BRD7: variants seen among roughly 807,000 people sequenced by gnomAD.
BRD7 encodes bromodomain containing 7.
In BRD7, 15 loss-of-function variants were observed where a neutral mutation model predicts 82.1. The observed-to-expected ratio is 0.18, with a 90% CI of 0.12 to 0.28. BRD7 has a LOEUF of 0.28. Ranked by LOEUF, BRD7 falls within the 10% of genes least tolerant of loss-of-function variation. BRD7 has a pLI of 1.00. For missense variants in BRD7, 638 were observed against 779.9 expected, an observed-to-expected ratio of 0.82 and a Z score of 2.17; for synonymous variants, 232 against 266.9, an observed-to-expected ratio of 0.87 and a Z score of 1.27.
Position 50,368,747 on chromosome 16 carries a change from A to T in BRD7, c.28T>A (p.Ser10Thr). Residue 10 changes from serine to threonine, a missense_variant, in exon 1 of 17, where the codon TCG becomes ACG. By Grantham distance (58) the Ser-to-Thr change is moderately conservative. Transcript: ENST00000394688. MGKKHKKHKSDKHLYEEYVE... is the reference protein window; with the variant it reads MGKKHKKHKTDKHLYEEYVE... ...TCACCCTCGTAGAGGTGTTTGTCCG[A>T]CTTGTGCTTCTTGTGCTTCTTGCCC... 5 of 1,553,728 alleles carry T rather than the reference A, an allele frequency of 3.2e-6. No individual in the cohort carries two copies. Among genetic ancestry groups the T allele is most frequent in the Non-Finnish European group, 3.5e-6 (4 of 1,151,566 alleles).
At position 50,350,161 on chromosome 16, in the gene BRD7, A is replaced by G. The variant is rs370605181; in HGVS notation, c.453T>C (p.Asp151=). The G allele has an allele frequency of 1.1e-5, 18 of 1,581,374 alleles. No homozygotes were observed. The highest frequency in any genetic ancestry group is 4.1e-5 in the African/African-American group (3 of 73,168). ...CAGGAAATGAAAAGAAAGCACTTGG[A>G]TCTTTTCTGTAAAGATATGCAAAAG... The part of the protein sequence containing the change: ...NQLMRQLQRK[D]PSAFFSFPVT... The change falls in exon 5 of 17, where the codon GAT becomes GAC. Residue 151 remains aspartate (D), a synonymous_variant. Coordinates refer to ENST00000394688, the MANE Select transcript of BRD7 (RefSeq NM_013263.5).
chr16:50,343,230 G>A (rs1484007935), intron 5 of BRD7, among the ~76,000 whole-genome samples: 2 of 152,218 alleles, frequency 1.3e-5, no homozygotes, highest in Non-Finnish European at 2.9e-5. Context: ...CAATGTTGGG[G>A]GAAGGACCTG....
chr16:50,330,509 C>T (rs911934677), intron 8 of BRD7, among the ~76,000 whole-genome samples: 1 of 151,924 alleles, frequency 6.6e-6, no homozygotes, highest in Non-Finnish European at 1.5e-5. Context: ...TACCTTGTTT[C>T]GTCTACTTTG....
At chr16:50,328,646 GCA>G (rs751947061) in intron 9 of BRD7, 21 bp downstream of exon 9, 5 of 1,597,832 alleles carry the variant, frequency 3.1e-6, no homozygotes, top group Non-Finnish European at 2.6e-6. Context: ...TCAAGTTCAT[GCA>G]CAGTTTTACT....
intron 6 of BRD7, among the ~76,000 whole-genome samples, chr16:50,338,308 G>A (rs930719674): frequency 3.3e-5 from 5 of 152,160 alleles, no homozygotes; most frequent in Admixed American, 1.3e-4. Flanking sequence ...AAGTCTTTAG[G>A]AAAGGGTGGG....
chr16:50,348,550 T>TA (rs1177826556), intron 5 of BRD7, among the ~76,000 whole-genome samples: 1 of 151,954 alleles, frequency 6.6e-6, no homozygotes, highest in Non-Finnish European at 1.5e-5. Context: ...ACAAAGAACT[T>TA]AAACAAATCT....
rs181155927 is a variant in BRD7 at position 50,346,365 on chromosome 16, G to A, written c.591+3658C>T. 1.8e-4 allele frequency among the ~76,000 whole-genome samples: 27 copies of A among 152,198 alleles called. No individual in the cohort carries two copies. The South Asian group carries it at 2.3e-3, about 13-fold the overall frequency. The stretch of plus-strand genomic sequence containing the variant: ...TAACATCACAATTAAAAAAATTAGA[G>A]AAGCAAGAGCAAACACATTCAAAAC... On this transcript the variant is annotated intron_variant, in intron 5 of 16. Transcript: ENST00000394688.
chr16:50,355,336 A>G (rs954907321), intron 2 of BRD7, among the ~76,000 whole-genome samples: 1 of 152,234 alleles, frequency 6.6e-6, no homozygotes, highest in African/African-American at 2.4e-5. Context: ...TGCCAATCGA[A>G]ATTTAAAAAC....
At chr16:50,361,451 C>T (rs975024847) in intron 2 of BRD7, among the ~76,000 whole-genome samples, 1 of 152,112 alleles carries the variant, frequency 6.6e-6, no homozygotes, top group Non-Finnish European at 1.5e-5. Flanking sequence ...AGAAGTCGAC[C>T]TACAAAGCTA....
intron 8 of BRD7, among the ~76,000 whole-genome samples, chr16:50,330,703 A>C (rs797019914): frequency 1.8e-4 from 27 of 152,250 alleles, no homozygotes; most frequent in African/African-American, 6.5e-4. Context: ...ACCAAAGAAA[A>C]GTAAGTGCTT....
At chr16:50,361,038 C>G (rs1177428232) in intron 2 of BRD7, among the ~76,000 whole-genome samples, 1 of 152,218 alleles carries the variant, frequency 6.6e-6, no homozygotes, top group Admixed American at 6.5e-5. Context: ...CTGCTCCTCT[C>G]TAGTTAAAAG....
chr16:50,329,591 T>C (rs2037473397), intron 8 of BRD7, among the ~76,000 whole-genome samples: 1 of 152,170 alleles, frequency 6.6e-6, no homozygotes, highest in African/African-American at 2.4e-5. Flanking sequence ...ATGTTTTAGA[T>C]GCCTGTGCGT....
rs373287224 is a variant in BRD7 at position 50,368,189 on chromosome 16, G to A, written c.159C>T (p.Asn53=). 3.1e-6 allele frequency: 5 copies of A among 1,613,990 alleles called. No homozygotes were observed. The African/African-American group carries it at 6.7e-5, about 22-fold the overall frequency. ...GHDSSLFEDK[N]DHDKHKDRKR... ...TTCTGTCCTTGTGTTTGTCATGATCGTTTTTGTCTTCGAAGAGGCTGGAGT... is the reference window on the plus strand; with the variant it reads ...TTCTGTCCTTGTGTTTGTCATGATCATTTTTGTCTTCGAAGAGGCTGGAGT... Residue 53 remains asparagine (N), a synonymous_variant, in exon 2 of 17, where the codon AAC becomes AAT. Coordinates refer to ENST00000394688, the MANE Select transcript of BRD7 (RefSeq NM_013263.5).
intron 4 of BRD7, among the ~76,000 whole-genome samples, chr16:50,352,349 A>G (rs915519750): frequency 1.3e-5 from 2 of 152,246 alleles, no homozygotes; most frequent in Admixed American, 6.5e-5. Flanking sequence ...CTCTAGGTTC[A>G]TCCATGTTGT....
rs1300704847 is a variant in BRD7 at position 50,320,784 on chromosome 16, A to G, written c.1501-10T>C. ...GCTCTACTTCTGTAATCTGCTTCAA[A>G]AGGAAAAACAGGCAATTACTGGCGC... On this transcript the variant is annotated splice_polypyrimidine_tract_variant and intron_variant, in intron 13 of 16. Transcript: ENST00000394688. 1 of 1,595,484 alleles carries G rather than the reference A, an allele frequency of 6.3e-7. No individual in the cohort carries two copies. Among genetic ancestry groups the G allele is most frequent in the East Asian group, 2.2e-5 (1 of 44,780 alleles).
Position 50,368,813 on chromosome 16 carries a change from C to G in BRD7, c.-39G>C. On this transcript the variant is annotated 5_prime_UTR_variant, in exon 1 of 17. Coordinates refer to ENST00000394688, the MANE Select transcript of BRD7 (RefSeq NM_013263.5). ...CCGGTGCCCGCCCCCCGCGCCAGGC[C>G]CAGGCCGTGCGGCGCCGCTTCCGGT... 6.8e-7 allele frequency: 1 copy of G among 1,463,632 alleles called. No homozygotes were observed. Among genetic ancestry groups the G allele is most frequent in the Middle Eastern group, 2.6e-4 (1 of 3,824 alleles). 90.7% of individuals were successfully genotyped at this position (1,463,632 alleles called of 1,614,324 possible).
At chr16:50,355,265 T>C (rs2038686509) in intron 2 of BRD7, among the ~76,000 whole-genome samples, 1 of 152,244 alleles carries the variant, frequency 6.6e-6, no homozygotes, top group South Asian at 2.1e-4. Context: ...ATAAAGGAGA[T>C]ATACTATGTT....
chr16:50,323,620 T>A lies in BRD7; in HGVS notation c.1410A>T (p.Gly470=). ...ADSLLDVLTK[G]GHSRTLQEME... ...TCTCTTGTAGGGTCCTGGAATGCCCTCCTTTTGTTAAAACATCCAGTAAAC... is the reference window on the plus strand; with the variant it reads ...TCTCTTGTAGGGTCCTGGAATGCCCACCTTTTGTTAAAACATCCAGTAAAC... Residue 470 remains glycine (G), a synonymous_variant, in exon 12 of 17, where the codon GGA becomes GGT. Transcript: ENST00000394688. 4 of 1,613,804 alleles carry A rather than the reference T, an allele frequency of 2.5e-6. No individual in the cohort carries two copies. Among genetic ancestry groups the A allele is most frequent in the Non-Finnish European group, 3.4e-6 (4 of 1,179,718 alleles).
At chr16:50,348,754 A>G (rs2151185027) in intron 5 of BRD7, among the ~76,000 whole-genome samples, 1 of 152,178 alleles carries the variant, frequency 6.6e-6, no homozygotes, top group East Asian at 1.9e-4. Context: ...AAGTCAGGAA[A>G]CAACAGGTGC....
Sources: allele counts gnomAD v4.1 joint callset (sites outside exome capture counted in the v4.1 genomes callset), GRCh38; gene constraint gnomAD v4.1.1; transcripts MANE v1.5; gene names NCBI Gene and HGNC (gene_info 2026-07-23, HGNC 2026-07-21).